The following DNAJB4 variants were observed in gnomAD, a reference collection of about 807,000 sequenced individuals.
DNAJB4 encodes dnaJ homolog subfamily B member 4.
Under a neutral mutation model 26.6 loss-of-function variants are expected in DNAJB4, and 10 were observed. That is an observed-to-expected ratio of 0.38 (90% confidence interval 0.23 to 0.64). The LOEUF (loss-of-function observed/expected upper bound fraction) is 0.64. DNAJB4 is among the 30% of genes least tolerant of loss of function. DNAJB4 has a pLI of 0.58. For missense variants in DNAJB4, 328 were observed against 408.2 expected (o/e 0.80, Z 1.69); for synonymous variants, 136 against 134.8 (o/e 1.01, Z -0.06).
intron 1 of DNAJB4, among the ~76,000 whole-genome samples, chr1:77,986,216 T>TC (rs1466189924): frequency 6.6e-6 from 1 of 152,180 alleles, no homozygotes; most frequent in Non-Finnish European, 1.5e-5. Context: ...CCCGGGAACT[T>TC]CATCTCAGAT....
At chr1:77,983,017 C>T (rs2102584295) in intron 1 of DNAJB4, among the ~76,000 whole-genome samples, 2 of 152,272 alleles carry the variant, frequency 1.3e-5, no homozygotes, top group South Asian at 4.1e-4. Flanking sequence ...TATGGAGGAT[C>T]CCGCCAGCCT....
chr1:78,005,833 T>G (rs1191940350), intron 1 of DNAJB4, among the ~76,000 whole-genome samples: 1 of 152,232 alleles, frequency 6.6e-6, no homozygotes, highest in Non-Finnish European at 1.5e-5. Context: ...TAGTTTAGAC[T>G]GAACAAGACA....
At chr1:78,006,712 C>T (rs1454004182) in intron 1 of DNAJB4, among the ~76,000 whole-genome samples, 1 of 152,120 alleles carries the variant, frequency 6.6e-6, no homozygotes, top group Admixed American at 6.5e-5. Flanking sequence ...AAATACTGGG[C>T]AGTTCAATCT....
chr1:77,982,547 G>A (rs1659677975), intron 1 of DNAJB4, among the ~76,000 whole-genome samples: 1 of 12,080 alleles, frequency 8.3e-5, no homozygotes, highest in African/African-American at 3.0e-4. Flanking sequence ...GGTAGGCTGG[G>A]CGAGGTGCCT....
Position 78,014,169 on chromosome 1 carries a change from C to T in DNAJB4, c.780+550C>T, listed in dbSNP as rs149862292. ...CAGAGTCTTGCTCTGTCACCCACAG[C>T]GCAATCTCGGCTCACTGCAACCTCT... On this transcript the variant is annotated intron_variant, in intron 2 of 2. Transcript: ENST00000370763. 9.8e-4 allele frequency among the ~76,000 whole-genome samples: 149 copies of T among 151,284 alleles called. 1 individual carries two copies. Among genetic ancestry groups the T allele is most frequent in the African/African-American group, 3.4e-3 (141 of 41,232 alleles).
At position 78,016,419 on chromosome 1, in the gene DNAJB4, G is replaced by A. The variant is rs1315729550; in HGVS notation, c.*172G>A. 1 of 584,254 alleles carries A rather than the reference G, an allele frequency of 1.7e-6. No individual in the cohort carries two copies. Among genetic ancestry groups the A allele is most frequent in the African/African-American group, 1.9e-5 (1 of 53,440 alleles). 36.2% of individuals were successfully genotyped at this position (584,254 alleles called of 1,614,324 possible). ...TAAATAGGCAAAAGGGATTTTTACA[G>A]TTAGAGATAAAAGAGAAAACCATTC... On this transcript the variant is annotated 3_prime_UTR_variant, in exon 3 of 3. Transcript: ENST00000370763.
chr1:77,998,836 C>G (rs1311927330), intron 1 of DNAJB4, among the ~76,000 whole-genome samples: 1 of 117,486 alleles, frequency 8.5e-6, no homozygotes, highest in African/African-American at 2.8e-5. Context: ...GAGTGAGATC[C>G]TGTCTCTAAA....
chr1:77,991,761 C>T (rs935122383), intron 1 of DNAJB4, among the ~76,000 whole-genome samples: 1 of 152,136 alleles, frequency 6.6e-6, no homozygotes, highest in Non-Finnish European at 1.5e-5. Context: ...GGCCTCTAAG[C>T]ATAGTGCTAA....
intron 2 of DNAJB4, among the ~76,000 whole-genome samples, chr1:78,015,141 C>T (rs1248194095): frequency 6.6e-6 from 1 of 152,170 alleles, no homozygotes; most frequent in Non-Finnish European, 1.5e-5. Context: ...CTGTGAGTTC[C>T]TTGTGCATTC....
At chr1:78,010,382 T>C (rs552503081) in intron 1 of DNAJB4, among the ~76,000 whole-genome samples, 3 of 152,004 alleles carry the variant, frequency 2.0e-5, no homozygotes, top group African/African-American at 7.2e-5. Context: ...TATTCTATCA[T>C]TAAAAAAAAA....
At chr1:77,980,456 T>G (rs1659555986) in intron 1 of DNAJB4, 1 of 152,114 alleles carries the variant, frequency 6.6e-6, no homozygotes, top group Admixed American at 6.5e-5. Flanking sequence ...TATCGTGGCA[T>G]GTAATTTACT....
intron 1 of DNAJB4, among the ~76,000 whole-genome samples, chr1:77,998,469 C>A (rs557396693): frequency 6.6e-6 from 1 of 152,242 alleles, no homozygotes; most frequent in South Asian, 2.1e-4. Flanking sequence ...ATGGATAGGG[C>A]TTAATGTCTT....
At chr1:78,001,602 CAA>C (rs1305682805), upstream of DNAJB4, among the ~76,000 whole-genome samples, 2 of 152,104 alleles carry the variant, frequency 1.3e-5, no homozygotes, top group African/African-American at 4.8e-5. Context: ...TGAATAAAGT[CAA>C]AGTAGAAGAT....
At chr1:78,009,611 T>C (rs939352431) in intron 1 of DNAJB4, among the ~76,000 whole-genome samples, 7 of 152,228 alleles carry the variant, frequency 4.6e-5, no homozygotes, top group African/African-American at 7.2e-5. Context: ...ACTGACCATA[T>C]AGTTAATGTG....
At position 78,005,399 on chromosome 1, in the gene DNAJB4, T is replaced by C. The variant is rs904597862; in HGVS notation, c.211+78T>C. The C allele has an allele frequency of 8.4e-5, 103 of 1,232,042 alleles. 1 individual carries two copies. In the African/African-American group the frequency reaches 1.3e-3, roughly 16 times the overall value. 76.3% of individuals were successfully genotyped at this position (1,232,042 alleles called of 1,614,324 possible). On this transcript the variant is annotated intron_variant, in intron 1 of 2. Coordinates refer to ENST00000370763, the MANE Select transcript of DNAJB4 (RefSeq NM_007034.5). ...TTTTCTCTCTCTCTGCCAGCCTTTTTCCCCTCTCTCTCAGCTTGTTAAGGT... is the reference window on the plus strand; with the variant it reads ...TTTTCTCTCTCTCTGCCAGCCTTTTCCCCCTCTCTCTCAGCTTGTTAAGGT...
intron 1 of DNAJB4, among the ~76,000 whole-genome samples, chr1:77,991,223 G>A (rs1428704201): frequency 6.6e-6 from 1 of 152,156 alleles, no homozygotes; most frequent in African/African-American, 2.4e-5. Context: ...TTTGGTGCCT[G>A]TGTACTCATT....
At chr1:78,010,072 C>G (rs1660429275) in intron 1 of DNAJB4, among the ~76,000 whole-genome samples, 2 of 152,314 alleles carry the variant, frequency 1.3e-5, no homozygotes, top group South Asian at 4.1e-4. Context: ...TGAATCTTCT[C>G]AGAGACTTTG....
chr1:78,004,905 A>G (rs1469952398), upstream of DNAJB4: 7 of 587,062 alleles, frequency 1.2e-5, no homozygotes, highest in Non-Finnish European at 2.1e-5. Flanking sequence ...TCTCCTGTGT[A>G]GTGTATATTT....
At chr1:77,979,324 G>T (rs1201761478), upstream of DNAJB4, 3 of 314,662 alleles carry the variant, frequency 9.5e-6, no homozygotes, top group Admixed American at 1.3e-4. Context: ...CTGCAGGGTG[G>T]TGGGTGATAG....
Sources: gnomAD v4.1 joint callset for allele counts (sites outside exome capture counted in the v4.1 genomes callset) on GRCh38, gnomAD v4.1.1 for gene constraint, MANE v1.5 for transcripts, NCBI Gene and HGNC (gene_info 2026-07-23, HGNC 2026-07-21) for gene names.